Variants in KCNS1 observed in about 807,000 individuals in gnomAD.
KCNS1 encodes delayed-rectifier potassium channel regulatory subunit KCNS1.
Under a neutral mutation model 33.1 loss-of-function variants are expected in KCNS1, and 26 were observed. The ratio of observed to expected loss-of-function variants is 0.79; its 90% CI spans 0.58 to 1.09. KCNS1 has a LOEUF of 1.09. KCNS1 is among the 50% of genes least tolerant of loss of function. The pLI is 0.00. For missense variants in KCNS1, 702 were observed against 752.4 expected (o/e 0.93, Z 0.78); for synonymous variants, 299 against 338.8 (o/e 0.88, Z 1.29).
chr20:45,094,529 A>T lies in KCNS1; in HGVS notation c.*341T>A, dbSNP rs989698592. 1 of 214,184 alleles carries T rather than the reference A, an allele frequency of 4.7e-6. No homozygotes were observed. The highest frequency in any genetic ancestry group is 9.4e-6 in the Non-Finnish European group (1 of 106,776). 13.3% of individuals were successfully genotyped at this position (214,184 alleles called of 1,614,324 possible). ...TGGTTTCCTCATCTGTGAAGTGGGG[A>T]TAATTCTCTTTCTCCAACACAAGGC... On this transcript the variant is annotated 3_prime_UTR_variant, in exon 4 of 4. Transcript: ENST00000537075.
Position 45,094,949 on chromosome 20 carries a change from C to T in KCNS1, c.1502G>A (p.Arg501Gln), listed in dbSNP as rs569244976. 1.1e-5 allele frequency: 17 copies of T among 1,613,868 alleles called. No homozygotes were observed. The highest frequency in any genetic ancestry group is 1.4e-5 in the Non-Finnish European group (16 of 1,179,974). ...AGACTGTCCCTCCTGAGAGGTTTCT[C>T]GGGATGTCTCCAGAGATGCCTCCGA... is the stretch of plus-strand genomic sequence containing the variant. ...GVSEASLETS[R>Q]ETSQEGQSAD... Residue 501 changes from arginine to glutamine, a missense_variant, in exon 4 of 4, where the codon CGA becomes CAA. Coordinates refer to ENST00000537075, the MANE Select transcript of KCNS1 (RefSeq NM_001322799.2).
Position 45,097,693 on chromosome 20 carries a change from G to C in KCNS1, c.1079C>G (p.Thr360Ser). The change falls in exon 3 of 4, where the codon ACC (threonine) becomes AGC (serine). Residue 360 changes from threonine to serine, a missense_variant. Transcript: ENST00000537075. Reference sequence around the variant, plus strand: ...CGTGGCTCCCAGCGAGCGCAGCCCGGTGGAATGGCGCGCCAACTTGAGTAC... The same window carrying C: ...CGTGGCTCCCAGCGAGCGCAGCCCGCTGGAATGGCGCGCCAACTTGAGTAC... ...FRVLKLARHS[T>S]GLRSLGATLK... 6.2e-7 allele frequency: 1 copy of C among 1,608,974 alleles called. No individual in the cohort carries two copies. The highest frequency in any genetic ancestry group is 8.5e-7 in the Non-Finnish European group (1 of 1,179,816).
rs1159223868 is a variant in KCNS1, at chr20:45,091,217, T to C, written c.*3653A>G. 1.3e-5 allele frequency among the ~76,000 whole-genome samples: 2 copies of C among 152,222 alleles called. No homozygotes were observed. The highest frequency in any genetic ancestry group is 2.9e-5 in the Non-Finnish European group (2 of 68,050). On this transcript the variant is annotated 3_prime_UTR_variant, in exon 4 of 4. Transcript: ENST00000537075. The stretch of plus-strand genomic sequence containing the variant: ...TTATCAATAACTTTTGCCTTTCTTT[T>C]GGTGACAATAGGTGGTCTTTTATTT...
chr20:45,098,171 GGCCACAGCGCGCCGC>G lies in KCNS1; in HGVS notation c.586_600del (p.Ala196_Gly200del), dbSNP rs1981262533. 4 of 1,601,608 alleles carry G rather than the reference GGCCACAGCGCGCCGC, an allele frequency of 2.5e-6. No individual in the cohort carries two copies. The highest frequency in any genetic ancestry group is 2.3e-5 in the East Asian group (1 of 44,192). On this transcript the variant is annotated inframe_deletion, in exon 3 of 4. Coordinates refer to ENST00000537075, the MANE Select transcript of KCNS1 (RefSeq NM_001322799.2). This position sits in a 1 kb window ranked among gnomAD's most constrained non-coding sequence, Gnocchi z 5.2. ...GTCAGCCAGAGGCGGCGGCGCAGGC[GGCCACAGCGCGCCGC>G]GCCATAGCGCGCCAGTTCTCGCTGC...
At chr20:45,095,674 C>T (rs914535837) in intron 3 of KCNS1, among the ~76,000 whole-genome samples, 3 of 152,196 alleles carry the variant, frequency 2.0e-5, no homozygotes, top group African/African-American at 7.2e-5. Context: ...ACCAAGAGAA[C>T]CATAGTTTAT....
At position 45,094,875 on chromosome 20, in the gene KCNS1, A is replaced by G. The variant is rs757535926; in HGVS notation, c.1576T>C (p.Tyr526His). 4 of 1,605,140 alleles carry G rather than the reference A, an allele frequency of 2.5e-6. No individual in the cohort carries two copies. The Admixed American group carries it at 5.1e-5, about 20-fold the overall frequency. Reference protein sequence around the residue: ...APSEPPHPQMY With the variant: ...APSEPPHPQMH ...GGGGTCACGGATCCCTGGTTTTAAT[A>G]CATCTGAGGGTGTGGAGGCTCACTG... Residue 526 changes from tyrosine to histidine, a missense_variant, in exon 4 of 4, where the codon TAT (tyrosine) becomes CAT (histidine). Around this residue, in one of 3 missense-constraint regions of KCNS1, gnomAD observed 75 missense variants for 72.7 expected, o/e 1.03. Coordinates refer to ENST00000537075, the MANE Select transcript of KCNS1 (RefSeq NM_001322799.2).
rs1412232357 is a variant in KCNS1, at chr20:45,094,877, A to G, written c.1574T>C (p.Met525Thr). The change falls in exon 4 of 4, where the codon ATG (methionine) becomes ACG (threonine). Residue 525 changes from methionine to threonine, a missense_variant. By Grantham distance (81) the Met-to-Thr change is moderately conservative. Around this residue, in one of 3 missense-constraint regions of KCNS1, gnomAD observed 75 missense variants for 72.7 expected, o/e 1.03. Transcript: ENST00000537075. ...QAPSEPPHPQ[M>T]Y ...GGTCACGGATCCCTGGTTTTAATAC[A>G]TCTGAGGGTGTGGAGGCTCACTGGG... 6.2e-7 allele frequency: 1 copy of G among 1,610,710 alleles called. No individual in the cohort carries two copies. The highest frequency in any genetic ancestry group is 2.2e-5 in the East Asian group (1 of 44,838).
chr20:45,097,657 C>A lies in KCNS1; in HGVS notation c.1110+5G>T. The A allele has an allele frequency of 6.3e-7, 1 of 1,599,286 alleles. No homozygotes were observed. Among genetic ancestry groups the A allele is most frequent in the East Asian group, 2.2e-5 (1 of 44,720 alleles). On this transcript the variant is annotated splice_donor_5th_base_variant and intron_variant, in intron 3 of 3. Coordinates refer to ENST00000537075, the MANE Select transcript of KCNS1 (RefSeq NM_001322799.2). ...CCAGCTCCAACCTGGCCTCAGAGGCCGTACCTTGAGCGTGGCTCCCAGCGA... is the reference window on the plus strand; with the variant it reads ...CCAGCTCCAACCTGGCCTCAGAGGCAGTACCTTGAGCGTGGCTCCCAGCGA...
rs1364087170 is a variant in KCNS1 at position 45,097,681 on chromosome 20, G to A, written c.1091C>T (p.Ser364Leu). The A allele has an allele frequency of 1.2e-6, 2 of 1,606,586 alleles. No individual in the cohort carries two copies. The highest frequency in any genetic ancestry group is 1.3e-5 in the African/African-American group (1 of 74,938). ...CCGTACCTTGAGCGTGGCTCCCAGC[G>A]AGCGCAGCCCGGTGGAATGGCGCGC... Reference protein sequence around the residue: ...KLARHSTGLRSLGATLKHSYR... With the variant: ...KLARHSTGLRLLGATLKHSYR... Residue 364 changes from serine to leucine, a missense_variant, in exon 3 of 4, where the codon TCG becomes TTG. Ser to Leu is a moderately radical substitution (Grantham distance 145). Around this residue, in one of 3 missense-constraint regions of KCNS1, gnomAD observed 253 missense variants for 327.4 expected, o/e 0.77. Coordinates refer to ENST00000537075, the MANE Select transcript of KCNS1 (RefSeq NM_001322799.2).
chr20:45,098,817 G>T lies in KCNS1; in HGVS notation c.77-122C>A. 1.0e-6 allele frequency: 1 copy of T among 974,852 alleles called. No homozygotes were observed. Among genetic ancestry groups the T allele is most frequent in the Non-Finnish European group, 1.4e-6 (1 of 715,644 alleles). 60.4% of individuals were successfully genotyped at this position (974,852 alleles called of 1,614,324 possible). On this transcript the variant is annotated intron_variant, in intron 2 of 3. Transcript: ENST00000537075. The surrounding 1 kb of genome is among the most constrained non-coding windows in gnomAD (Gnocchi z 5.2). ...GTTGGAGGCTGTGTGTGAAGCATCT[G>T]GTATGCAGGAGGCGCTCAGTAGATG...
Position 45,094,826 on chromosome 20 carries a change from A to C in KCNS1, c.*44T>G. 1 of 1,451,406 alleles carries C rather than the reference A, an allele frequency of 6.9e-7. No individual in the cohort carries two copies. Among genetic ancestry groups the C allele is most frequent in the Non-Finnish European group, 9.5e-7 (1 of 1,056,036 alleles). The allele number at this position is 1,451,406 out of a possible 1,614,324, so 89.9% of individuals were successfully genotyped here. On this transcript the variant is annotated 3_prime_UTR_variant, in exon 4 of 4. Transcript: ENST00000537075. The stretch of plus-strand genomic sequence containing the variant: ...CATGAAGAACTTTAGCAGGGGAGGA[A>C]TCTCTACTGTAGGGGCATGGCAGGG...
In KCNS1 at chr20:45,098,690, T is replaced by C; in HGVS notation, c.82A>G (p.Ser28Gly). 1 of 1,423,636 alleles carries C rather than the reference T, an allele frequency of 7.0e-7. No homozygotes were observed. Among genetic ancestry groups the C allele is most frequent in the Non-Finnish European group, 9.2e-7 (1 of 1,091,802 alleles). The allele number at this position is 1,423,636 out of a possible 1,614,324, so 88.2% of individuals were successfully genotyped here. The change falls in exon 3 of 4, where the codon AGC (serine) becomes GGC (glycine). Residue 28 changes from serine to glycine, a missense_variant. By Grantham distance (56) the Ser-to-Gly change is moderately conservative. Around this residue, in one of 3 missense-constraint regions of KCNS1, gnomAD observed 374 missense variants for 352.3 expected, o/e 1.06. Transcript: ENST00000537075. This position sits in a 1 kb window ranked among gnomAD's most constrained non-coding sequence, Gnocchi z 5.2. ...VVLPTPLGGRSTETFVSEFPG... is the reference protein window; with the variant it reads ...VVLPTPLGGRGTETFVSEFPG... ...AACTCGCTCACAAAGGTTTCAGTGC[T>C]CCTCCCTGCGGACACCAGAAGGGCG...
Position 45,091,354 on chromosome 20 carries a change from TG to T in KCNS1, c.*3515del, listed in dbSNP as rs1044065815. 3.9e-5 allele frequency among the ~76,000 whole-genome samples: 6 copies of T among 152,192 alleles called. No individual in the cohort carries two copies. The highest frequency in any genetic ancestry group is 1.4e-4 in the African/African-American group (6 of 41,450). On this transcript the variant is annotated 3_prime_UTR_variant, in exon 4 of 4. Transcript: ENST00000537075. The stretch of plus-strand genomic sequence containing the variant: ...GTGAAATCAGACTCTCTCCTGGGAT[TG>T]GAACTGTGAGCAGGATGATACAGGG...
In KCNS1 at chr20:45,098,464, T is replaced by C; in HGVS notation, c.308A>G (p.Tyr103Cys). ...DDYDEAAREF[Y>C]FDRHPGFFLS... ...GAAGAAGCCCGGGTGCCGGTCGAAG[T>C]AGAATTCGCGCGCCGCCTCGTCGTA... Residue 103 changes from tyrosine to cysteine, a missense_variant, in exon 3 of 4, where the codon TAC becomes TGC. Around this residue, in one of 3 missense-constraint regions of KCNS1, gnomAD observed 374 missense variants for 352.3 expected, o/e 1.06. Coordinates refer to ENST00000537075, the MANE Select transcript of KCNS1 (RefSeq NM_001322799.2). This position sits in a 1 kb window ranked among gnomAD's most constrained non-coding sequence, Gnocchi z 5.2. 1 of 1,578,236 alleles carries C rather than the reference T, an allele frequency of 6.3e-7. No individual in the cohort carries two copies.
chr20:45,097,847 C>G lies in KCNS1; in HGVS notation c.925G>C (p.Asp309His), dbSNP rs372407679. 18 of 1,613,396 alleles carry G rather than the reference C, an allele frequency of 1.1e-5. No individual in the cohort carries two copies. Among genetic ancestry groups the G allele is most frequent in the Non-Finnish European group, 1.5e-5 (18 of 1,179,860 alleles). The stretch of plus-strand genomic sequence containing the variant: ...TAGAAGGGCAGCACAGACACAATGT[C>G]GATGAGGTTGAGCGGGTGGCAGAAG... The part of the protein sequence containing the change: ...NFFCHPLNLI[D>H]IVSVLPFYLT... Residue 309 changes from aspartate (D) to histidine (H), a missense_variant, in exon 3 of 4, where the codon GAC becomes CAC. Around this residue, in one of 3 missense-constraint regions of KCNS1, gnomAD observed 253 missense variants for 327.4 expected, o/e 0.77. Coordinates refer to ENST00000537075, the MANE Select transcript of KCNS1 (RefSeq NM_001322799.2).
rs1981245986 is a variant in KCNS1, at chr20:45,097,957, A to C, written c.815T>G (p.Leu272Arg). ...GATGCAGAAGTACTCGAGGCGTCGC[A>C]GCACCGGGTCGTCGCGCACGCCTTC... The part of the protein sequence containing the change: ...SPEGVRDDPV[L>R]RRLEYFCIAW... The change falls in exon 3 of 4, where the codon CTG becomes CGG. Residue 272 changes from leucine (L) to arginine (R), a missense_variant. By Grantham distance (102) the Leu-to-Arg change is moderately radical (BLOSUM62 -2). This residue lies in a region of KCNS1 where 253 missense variants were observed against 327.4 expected (regional missense o/e 0.77). Coordinates refer to ENST00000537075, the MANE Select transcript of KCNS1 (RefSeq NM_001322799.2). 5 of 1,564,832 alleles carry C rather than the reference A, an allele frequency of 3.2e-6. No individual in the cohort carries two copies. Among genetic ancestry groups the C allele is most frequent in the Non-Finnish European group, 4.3e-6 (5 of 1,156,458 alleles).
In KCNS1 at chr20:45,095,294, C is replaced by T; in HGVS notation, c.1157G>A (p.Gly386Asp). 6.2e-7 allele frequency: 1 copy of T among 1,614,012 alleles called. No individual in the cohort carries two copies. The highest frequency in any genetic ancestry group is 8.5e-7 in the Non-Finnish European group (1 of 1,180,002). ...GGCCACACCAGAGAACACTGACACACCCACAGCCAGGTACAGCAGCAAGAT... is the reference window on the plus strand; with the variant it reads ...GGCCACACCAGAGAACACTGACACATCCACAGCCAGGTACAGCAGCAAGAT... ...VGILLLYLAV[G>D]VSVFSGVAYT... is the part of the protein sequence containing the mutation. Residue 386 changes from glycine to aspartate, a missense_variant, in exon 4 of 4, where the codon GGT becomes GAT. Physicochemically the swap from Gly to Asp is moderately conservative, Grantham distance 94. This residue lies in a region of KCNS1 where 253 missense variants were observed against 327.4 expected (regional missense o/e 0.77). Coordinates refer to ENST00000537075, the MANE Select transcript of KCNS1 (RefSeq NM_001322799.2).
At chr20:45,095,702 G>A (rs938830756) in intron 3 of KCNS1, among the ~76,000 whole-genome samples, 2 of 152,192 alleles carry the variant, frequency 1.3e-5, no homozygotes, top group African/African-American at 2.4e-5. Flanking sequence ...AATGCAAAGA[G>A]TTGGTTTCAT....
In KCNS1 at chr20:45,094,830, C is replaced by G; in HGVS notation, c.*40G>C. ...AAGAACTTTAGCAGGGGAGGAATCT[C>G]TACTGTAGGGGCATGGCAGGGGGTC... On this transcript the variant is annotated 3_prime_UTR_variant, in exon 4 of 4. Coordinates refer to ENST00000537075, the MANE Select transcript of KCNS1 (RefSeq NM_001322799.2). 3 of 1,508,130 alleles carry G rather than the reference C, an allele frequency of 2.0e-6. No individual in the cohort carries two copies. The highest frequency in any genetic ancestry group is 2.7e-6 in the Non-Finnish European group (3 of 1,102,690). The allele number at this position is 1,508,130 out of a possible 1,614,324, so 93.4% of individuals were successfully genotyped here. A position where few individuals can be genotyped will look rare whatever the true frequency, so the allele number is the denominator to read the frequency against.
Sources: allele counts gnomAD v4.1 joint callset (sites outside exome capture counted in the v4.1 genomes callset), GRCh38; gene constraint gnomAD v4.1.1; regional missense constraint gnomAD v4.1.1; non-coding constraint Gnocchi (gnomAD v3.1); transcripts MANE v1.5; gene names NCBI Gene and HGNC (gene_info 2026-07-23, HGNC 2026-07-21).